The following CACNA1C variants were observed in gnomAD, a reference collection of about 807,000 sequenced individuals.
The protein encoded by CACNA1C is calcium voltage-gated channel subunit alpha1 C.
A neutral mutation model predicts 229.0 loss-of-function variants in CACNA1C; 30 were observed. The observed-to-expected ratio is 0.13, with a 90% CI of 0.10 to 0.18. The LOEUF (loss-of-function observed/expected upper bound fraction) is 0.18. Among genes scored for constraint, CACNA1C ranks in the 10% least tolerant of loss-of-function variants. CACNA1C has a pLI of 1.00. For missense variants in CACNA1C, 1,658 were observed against 2,845.0 expected (o/e 0.58, Z 9.49); for synonymous variants, 1,114 against 1,132.5 (o/e 0.98, Z 0.33).
intron 15 of CACNA1C, 73 bp downstream of exon 15, chr12:2,583,015 G>A: frequency 2.6e-6 from 3 of 1,144,830 alleles, no homozygotes; most frequent in South Asian, 1.4e-5. Context: ...AAACGGGCAC[G>A]CCCCTCAGGT....
chr12:2,472,384 G>C (rs1474392886), intron 5 of CACNA1C, among the ~76,000 whole-genome samples: 1 of 151,820 alleles, frequency 6.6e-6, no homozygotes, highest in Non-Finnish European at 1.5e-5. Context: ...TTCCTCTAAT[G>C]TCTCCATCTT....
rs540857940 is a variant in CACNA1C, at chr12:2,475,156, G to A, written c.758-10948G>A. The stretch of plus-strand genomic sequence containing the variant: ...CTACTAAAAATACAAAAAATTAGCC[G>A]GGCGCAGTAGTGGGCGCCTGTAGTC... On this transcript the variant is annotated intron_variant, in intron 5 of 46. Coordinates refer to ENST00000399655, the MANE Select transcript of CACNA1C (RefSeq NM_000719.7). Among the ~76,000 whole-genome samples the A allele has an allele frequency of 5.9e-3, 894 of 151,980 alleles. 14 individuals are homozygous for A. Among genetic ancestry groups the A allele is most frequent in the South Asian group, 0.021 (101 of 4,792 alleles).
intron 3 of CACNA1C, among the ~76,000 whole-genome samples, chr12:2,160,497 T>G (rs1484915999): frequency 6.6e-6 from 1 of 152,216 alleles, no homozygotes; most frequent in Non-Finnish European, 1.5e-5. Flanking sequence ...TTGTTTCCAC[T>G]TTTGCTACCT....
At chr12:2,675,246 C>A (rs2096745176) in intron 39 of CACNA1C, among the ~76,000 whole-genome samples, 1 of 152,130 alleles carries the variant, frequency 6.6e-6, no homozygotes, top group African/African-American at 2.4e-5. Flanking sequence ...AACATAAAAT[C>A]TATTAAAAGC....
rs981288574 is a variant in CACNA1C, at chr12:2,313,288, C to T, written c.478-135688C>T. Reference sequence around the variant, plus strand: ...TGGTGCCTGGCATGTGGCAGGCATCCACTACATTCTGCGGGCTGAGATGGT... The same window carrying T: ...TGGTGCCTGGCATGTGGCAGGCATCTACTACATTCTGCGGGCTGAGATGGT... On this transcript the variant is annotated intron_variant, in intron 3 of 46. Coordinates refer to ENST00000399655, the MANE Select transcript of CACNA1C (RefSeq NM_000719.7). Among the ~76,000 whole-genome samples, 3 of 152,258 alleles carry T rather than the reference C, an allele frequency of 2.0e-5. No homozygotes were observed. In the East Asian group the frequency reaches 5.8e-4, roughly 29 times the overall value.
chr12:2,043,808 A>ACC (rs1594269982), intron 1 of CACNA1C, among the ~76,000 whole-genome samples: 1 of 134,632 alleles, frequency 7.4e-6, no homozygotes, highest in African/African-American at 3.1e-5. Context: ...GGCGCCCGCC[A>ACC]TTGCGCCCGG....
intron 2 of CACNA1C, 148 bp downstream of exon 2, chr12:2,115,693 G>A (rs1172384688): frequency 4.2e-6 from 3 of 717,498 alleles, no homozygotes; most frequent in Non-Finnish European, 7.0e-6. Flanking sequence ...CTGGGGTGCT[G>A]TGAAATGCAG....
chr12:2,246,516 G>A (rs2073309454), intron 3 of CACNA1C, among the ~76,000 whole-genome samples: 1 of 152,144 alleles, frequency 6.6e-6, no homozygotes, highest in Non-Finnish European at 1.5e-5. Context: ...TGCTTCCTGT[G>A]TAATAGGCAC....
chr12:2,613,705 TG>T (rs1420446703), intron 29 of CACNA1C: 4 of 152,574 alleles, frequency 2.6e-5, no homozygotes, highest in African/African-American at 9.6e-5. Context: ...TGCGTTGCCC[TG>T]ACACCTTCCT....
At chr12:2,440,524 A>G (rs1157505371) in intron 3 of CACNA1C, among the ~76,000 whole-genome samples, 1 of 152,168 alleles carries the variant, frequency 6.6e-6, no homozygotes, top group Non-Finnish European at 1.5e-5. Context: ...GCTGAATCTC[A>G]GGCATAGGTG....
At chr12:2,057,565 C>T (rs962909422) in intron 1 of CACNA1C, among the ~76,000 whole-genome samples, 13 of 152,214 alleles carry the variant, frequency 8.5e-5, no homozygotes, top group Admixed American at 4.6e-4. Context: ...TGCCGCCGCA[C>T]ACACTGGAGG....
At chr12:2,506,546 T>C (rs1475047623) in intron 8 of CACNA1C, among the ~76,000 whole-genome samples, 1 of 152,208 alleles carries the variant, frequency 6.6e-6, no homozygotes, top group Non-Finnish European at 1.5e-5. Flanking sequence ...CCAATAATGG[T>C]GCTATCATTA....
rs1039269486 is a variant in CACNA1C, at chr12:1,971,200, A to G, written c.138A>G (p.Gly46=). The G allele has an allele frequency of 2.1e-5, 27 of 1,287,348 alleles. No homozygotes were observed. The highest frequency in any genetic ancestry group is 2.7e-5 in the Non-Finnish European group (27 of 986,930). 79.7% of individuals were successfully genotyped at this position (1,287,348 alleles called of 1,614,324 possible). The change falls in exon 1 of 47, where the codon GGA becomes GGG. Residue 46 remains glycine, a splice_region_variant and synonymous_variant. Coordinates refer to the CACNA1C transcript ENST00000682462. This position sits in a 1 kb window ranked among gnomAD's most constrained non-coding sequence, Gnocchi z 4.2. ...TCAACTATTTCTACATCTCTCCTGG[A>G]GGTAAGAAACCCTAAAGTGAAATAA...
chr12:2,082,226 T>C (rs1273168280), intron 1 of CACNA1C, among the ~76,000 whole-genome samples: 1 of 152,200 alleles, frequency 6.6e-6, no homozygotes, highest in Non-Finnish European at 1.5e-5. Flanking sequence ...TGAGACTCCC[T>C]GCTCTTTTCC....
At position 2,123,327 on chromosome 12, in the gene CACNA1C, G is replaced by C. The variant is rs886156425; in HGVS notation, c.477+2897G>C. Reference sequence around the variant, plus strand: ...GGAGGCGGAGCTTGCAGTGAGCCGAGATCGCGCCACCGCACTCCAGCCTGG... The same window carrying C: ...GGAGGCGGAGCTTGCAGTGAGCCGACATCGCGCCACCGCACTCCAGCCTGG... On this transcript the variant is annotated intron_variant, in intron 3 of 46. Coordinates refer to ENST00000399655, the MANE Select transcript of CACNA1C (RefSeq NM_000719.7). Among the ~76,000 whole-genome samples the C allele has an allele frequency of 1.1e-4, 14 of 131,280 alleles. No homozygotes were observed. In the Admixed American group the frequency reaches 1.2e-3, roughly 12 times the overall value. The allele number at this position is 131,280 out of a possible 152,430, so 86.1% of individuals were successfully genotyped here. A position where few individuals can be genotyped will look rare whatever the true frequency, so the allele number is the denominator to read the frequency against.
chr12:2,557,338 G>A (rs2044962895), intron 11 of CACNA1C, among the ~76,000 whole-genome samples: 1 of 152,184 alleles, frequency 6.6e-6, no homozygotes, highest in South Asian at 2.1e-4. Context: ...AGAACATGGT[G>A]AGATGTAACC....
chr12:2,329,417 AGGAAGAGTCCCTTCACCTGCAGTGTCAGT>A (rs1318710313), intron 3 of CACNA1C, among the ~76,000 whole-genome samples: 5 of 152,148 alleles, frequency 3.3e-5, no homozygotes, highest in Non-Finnish European at 5.9e-5. Context: ...CTTGCTCATG[AGGAAGAGTCCCTTCACCTGCAGTGTCAGT>A]GCACCACCAG....
intron 5 of CACNA1C, among the ~76,000 whole-genome samples, chr12:2,460,845 C>T (rs2099496031): frequency 6.6e-6 from 1 of 152,206 alleles, no homozygotes; most frequent in Non-Finnish European, 1.5e-5. Flanking sequence ...GGTGGCTCTT[C>T]CTCAGCTCAT....
chr12:2,097,437 C>A (rs571430194), intron 1 of CACNA1C, among the ~76,000 whole-genome samples: 1 of 152,176 alleles, frequency 6.6e-6, no homozygotes, highest in Non-Finnish European at 1.5e-5. Flanking sequence ...TGAGCCACCG[C>A]GCCTGGCCAC....
Sources: allele counts gnomAD v4.1 joint callset (sites outside exome capture counted in the v4.1 genomes callset), GRCh38; gene constraint gnomAD v4.1.1; non-coding constraint Gnocchi (gnomAD v3.1); transcripts MANE v1.5; gene names NCBI Gene and HGNC (gene_info 2026-07-23, HGNC 2026-07-21).